GUCY1A2: variants seen among roughly 807,000 people sequenced by gnomAD.
GUCY1A2 encodes the protein guanylate cyclase soluble subunit alpha-2.
GUCY1A2 carries 27 observed loss-of-function variants against 63.5 expected under a neutral mutation model. The observed-to-expected ratio is 0.43, with a 90% CI of 0.31 to 0.59. The LOEUF (loss-of-function observed/expected upper bound fraction) is 0.59, where lower values mean the gene tolerates loss of function less well. GUCY1A2 is among the 20% of genes least tolerant of loss of function. The probability of loss-of-function intolerance (pLI) is 0.11; values close to 1 mark genes in which losing one functional copy is unlikely to be tolerated. For synonymous variants in GUCY1A2, 364 were observed against 343.5 expected (o/e 1.06, Z -0.66); for missense variants, 768 against 913.3 (o/e 0.84, Z 2.05).
chr11:106,871,158 C>T (rs1591309133), intron 4 of GUCY1A2, among the ~76,000 whole-genome samples: 1 of 151,982 alleles, frequency 6.6e-6, no homozygotes, highest in Admixed American at 6.6e-5. Context: ...ATTAAAATAT[C>T]CTAATAATGT....
intron 3 of GUCY1A2, among the ~76,000 whole-genome samples, chr11:106,949,085 C>T (rs972169088): frequency 5.9e-5 from 9 of 151,890 alleles, no homozygotes; most frequent in Admixed American, 5.2e-4. Context: ...AATAAAATTA[C>T]GATTGTGTGT....
chr11:106,872,838 C>T (rs953400079), intron 4 of GUCY1A2, among the ~76,000 whole-genome samples: 6 of 152,052 alleles, frequency 3.9e-5, no homozygotes, highest in South Asian at 2.1e-4. Context: ...ATGTGCAGAA[C>T]GTGCAGATTT....
chr11:106,875,845 T>C (rs1859741539), intron 4 of GUCY1A2, among the ~76,000 whole-genome samples: 1 of 152,110 alleles, frequency 6.6e-6, no homozygotes, highest in African/African-American at 2.4e-5. Flanking sequence ...TTTTTTTATC[T>C]ATTATGCATG....
chr11:106,930,632 A>T (rs1260560926), intron 4 of GUCY1A2, among the ~76,000 whole-genome samples: 1 of 152,254 alleles, frequency 6.6e-6, no homozygotes, highest in East Asian at 1.9e-4. Flanking sequence ...AAAAGTTGCT[A>T]TAGGAAAAAA....
intron 7 of GUCY1A2, among the ~76,000 whole-genome samples, chr11:106,704,867 AAAGT>A (rs1181354041): frequency 6.6e-6 from 1 of 150,438 alleles, no homozygotes; most frequent in African/African-American, 2.4e-5. Flanking sequence ...TATATGCAGT[AAAGT>A]AATATTAGTA....
At chr11:106,853,999 G>A (rs1859391888) in intron 4 of GUCY1A2, among the ~76,000 whole-genome samples, 1 of 152,234 alleles carries the variant, frequency 6.6e-6, no homozygotes, top group Non-Finnish European at 1.5e-5. Flanking sequence ...AGGTCACCAG[G>A]TGGGCTGGTC....
intron 6 of GUCY1A2, among the ~76,000 whole-genome samples, chr11:106,766,689 G>T (rs1864169835): frequency 6.6e-6 from 1 of 152,056 alleles, no homozygotes; most frequent in Non-Finnish European, 1.5e-5. Context: ...TGATTAGCAT[G>T]CAGATAGCAC....
Position 107,017,840 on chromosome 11 carries a change from G to GT in GUCY1A2, c.215_216insA (p.Thr73HisfsTer45), listed in dbSNP as rs1861846207. 1 of 1,270,134 alleles carries GT rather than the reference G, an allele frequency of 7.9e-7. No homozygotes were observed. The highest frequency in any genetic ancestry group is 9.9e-7 in the Non-Finnish European group (1 of 1,009,382). The allele number at this position is 1,270,134 out of a possible 1,614,324, so 78.7% of individuals were successfully genotyped here. ...GCTGCACCCTCCTGGCCCCGGCAGT[G>GT]GCAGCGGCGGCGGCGGCAGAAGCAG... On this transcript the variant is annotated frameshift_variant, in exon 1 of 8. Coordinates refer to ENST00000526355, the MANE Select transcript of GUCY1A2 (RefSeq NM_000855.3). LOFTEE classifies it high-confidence loss of function.
At chr11:106,992,393 G>T (rs192694289) in intron 1 of GUCY1A2, among the ~76,000 whole-genome samples, 2,043 of 144,928 alleles carry the variant, frequency 0.014, 29 homozygotes, top group South Asian at 0.047. Context: ...GCAGTGGTGA[G>T]ATCTCAGCTC....
intron 1 of GUCY1A2, among the ~76,000 whole-genome samples, chr11:106,995,387 C>CAA (rs1170167744): frequency 4.6e-5 from 7 of 152,170 alleles, no homozygotes; most frequent in African/African-American, 1.7e-4. Context: ...GTCTGAGTCA[C>CAA]AATCCAATCT....
intron 3 of GUCY1A2, among the ~76,000 whole-genome samples, chr11:106,962,143 T>G (rs2120065478): frequency 6.6e-6 from 1 of 152,354 alleles, no homozygotes; most frequent in South Asian, 2.1e-4. Flanking sequence ...GGTCAGTGAA[T>G]ACCACTGTTA....
chr11:106,911,345 C>A (rs1490810738), intron 4 of GUCY1A2, among the ~76,000 whole-genome samples: 2 of 151,990 alleles, frequency 1.3e-5, no homozygotes, highest in East Asian at 3.9e-4. Context: ...AAAGCCACAC[C>A]TCATGTTAAA....
intron 1 of GUCY1A2, among the ~76,000 whole-genome samples, chr11:106,990,604 C>T (rs534442746): frequency 2.5e-4 from 38 of 152,204 alleles, no homozygotes; most frequent in Admixed American, 1.2e-3. Context: ...TGTGTGTGCG[C>T]GCACGCGCAG....
Position 106,940,037 on chromosome 11 carries a change from A to G in GUCY1A2, c.629T>C (p.Ile210Thr), listed in dbSNP as rs751846239. The stretch of plus-strand genomic sequence containing the variant: ...GGCCTGTTTTCCAAAAGAAGTTCTA[A>G]TGTGTTCCAACAAAGCATCAAAGCC... ...FNGFDALLEH[I>T]RTSFGKQATL... The change falls in exon 4 of 8, where the codon ATT (isoleucine) becomes ACT (threonine). Residue 210 changes from isoleucine to threonine, a missense_variant. This residue lies in a region of GUCY1A2 where 496 missense variants were observed against 486.9 expected (regional missense o/e 1.02). Coordinates refer to ENST00000526355, the MANE Select transcript of GUCY1A2 (RefSeq NM_000855.3). 1 of 1,613,992 alleles carries G rather than the reference A, an allele frequency of 6.2e-7. No individual in the cohort carries two copies. Among genetic ancestry groups the G allele is most frequent in the Non-Finnish European group, 8.5e-7 (1 of 1,179,890 alleles).
In GUCY1A2 at chr11:106,978,599, A is replaced by C; in HGVS notation, c.487+20T>G. The stretch of plus-strand genomic sequence containing the variant: ...TCTTTCATTCTCTCTCATCCATATA[A>C]ATATATATAGTTAATATACCGAGTA... On this transcript the variant is annotated intron_variant, in intron 3 of 7. Transcript: ENST00000526355. 1 of 1,401,388 alleles carries C rather than the reference A, an allele frequency of 7.1e-7. No individual in the cohort carries two copies. Among genetic ancestry groups the C allele is most frequent in the South Asian group, 1.2e-5 (1 of 81,036 alleles). 86.8% of individuals were successfully genotyped at this position (1,401,388 alleles called of 1,614,324 possible).
At chr11:106,729,926 T>G (rs985314172) in intron 6 of GUCY1A2, among the ~76,000 whole-genome samples, 1 of 151,396 alleles carries the variant, frequency 6.6e-6, no homozygotes, top group Non-Finnish European at 1.5e-5. Flanking sequence ...AGGAATTATC[T>G]TTGTGGAATG....
At chr11:106,867,943 T>A (rs952857161) in intron 4 of GUCY1A2, among the ~76,000 whole-genome samples, 2 of 152,054 alleles carry the variant, frequency 1.3e-5, no homozygotes. Flanking sequence ...ATTGAATTTA[T>A]ATGAGAATTG....
intron 4 of GUCY1A2, chr11:106,826,946 T>C: frequency 5.0e-6 from 8 of 1,610,680 alleles, no homozygotes; most frequent in Middle Eastern, 2.3e-4. Flanking sequence ...GTAACTCCTG[T>C]AGCACTGACA....
intron 4 of GUCY1A2, among the ~76,000 whole-genome samples, chr11:106,893,469 T>TAC (rs1478416803): frequency 6.6e-6 from 1 of 151,558 alleles, no homozygotes; most frequent in African/African-American, 2.4e-5. Context: ...AGGCCAAATA[T>TAC]ATATATACCA....
Sources: gnomAD v4.1 joint callset for allele counts (sites outside exome capture counted in the v4.1 genomes callset) on GRCh38, gnomAD v4.1.1 for gene constraint, gnomAD v4.1.1 regional missense constraint, MANE v1.5 for transcripts, NCBI Gene and HGNC (gene_info 2026-07-23, HGNC 2026-07-21) for gene names.